VASH2: variants seen among roughly 807,000 people sequenced by gnomAD.
VASH2 encodes the protein vasohibin 2, also known as tubulinyl-Tyr carboxypeptidase 2.
A neutral mutation model predicts 37.2 loss-of-function variants in VASH2; 28 were observed. That is an observed-to-expected ratio of 0.75 (90% CI 0.56 to 1.03). The LOEUF is 1.03. Ranked by LOEUF, VASH2 falls within the 50% of genes least tolerant of loss-of-function variation. The probability of loss-of-function intolerance (pLI) is 0.00; values close to 1 mark genes in which losing one functional copy is unlikely to be tolerated. For synonymous variants in VASH2, 188 were observed against 174.7 expected, an observed-to-expected ratio of 1.08 and a Z score of -0.60; for missense variants, 419 against 459.1, an observed-to-expected ratio of 0.91 and a Z score of 0.80.
At chr1:212,968,812 AG>A in intron 5 of VASH2, 1 of 985,524 alleles carries the variant, frequency 1.0e-6, no homozygotes, top group Non-Finnish European at 1.2e-6. Flanking sequence ...AGATCAACGA[AG>A]GGGAACACAA....
chr1:212,959,747 C>G (rs975895046), intron 2 of VASH2, among the ~76,000 whole-genome samples: 4 of 152,236 alleles, frequency 2.6e-5, no homozygotes, highest in African/African-American at 9.6e-5. Flanking sequence ...CAGTGTCTGC[C>G]TCTGCTGCCT....
chr1:212,959,617 T>A (rs1238843161), intron 2 of VASH2, among the ~76,000 whole-genome samples: 1 of 152,192 alleles, frequency 6.6e-6, no homozygotes, highest in African/African-American at 2.4e-5. Context: ...GCAGTAAGTG[T>A]AGGCAGCGGG....
At chr1:212,985,188 AT>A (rs1220670460) in intron 7 of VASH2, among the ~76,000 whole-genome samples, 2 of 123,366 alleles carry the variant, frequency 1.6e-5, no homozygotes, top group African/African-American at 6.3e-5. Flanking sequence ...TGTCTGGCTA[AT>A]TTTTTTTGCT....
intron 2 of VASH2, among the ~76,000 whole-genome samples, chr1:212,960,746 A>G (rs1026537666): frequency 7.2e-5 from 11 of 152,158 alleles, no homozygotes; most frequent in Non-Finnish European, 1.6e-4. Flanking sequence ...CTTGTAGTGG[A>G]TCACCATTTG....
chr1:212,957,445 C>A (rs1375958435), intron 2 of VASH2, among the ~76,000 whole-genome samples: 2 of 152,136 alleles, frequency 1.3e-5, no homozygotes. Context: ...ACGTTTTCAT[C>A]CTCTCCATTA....
At chr1:212,976,655 G>T (rs376781501) in intron 7 of VASH2, among the ~76,000 whole-genome samples, 2 of 152,206 alleles carry the variant, frequency 1.3e-5, no homozygotes, top group East Asian at 1.9e-4. Context: ...AGTCAGAGAG[G>T]GAGAGGATGG....
intron 5 of VASH2, among the ~76,000 whole-genome samples, chr1:212,972,083 A>C (rs984487104): frequency 6.6e-6 from 1 of 152,178 alleles, no homozygotes; most frequent in Non-Finnish European, 1.5e-5. Context: ...CCCTGCCTGC[A>C]TTCACATTTC....
At position 212,981,197 on chromosome 1, in the gene VASH2, A is replaced by AAAG. The variant is rs1667327949; in HGVS notation, c.995+7128_995+7130dup. ...AGAGTCTCCTGCCTGGGGAGGGCTC[A>AAAG]AAGGGATGGGCACCGGCTGAAAAAT... is the stretch of plus-strand genomic sequence containing the variant. On this transcript the variant is annotated intron_variant, in intron 7 of 7. Coordinates refer to ENST00000517399, the MANE Select transcript of VASH2 (RefSeq NM_001301056.2). Among the ~76,000 whole-genome samples, 5 of 152,230 alleles carry AAAG rather than the reference A, an allele frequency of 3.3e-5. No individual in the cohort carries two copies. In the South Asian group the frequency reaches 1.0e-3, roughly 32 times the overall value.
chr1:212,951,566 T>G lies in VASH2; in HGVS notation c.24T>G (p.Thr8=), dbSNP rs1666306739. 1.3e-6 allele frequency: 2 copies of G among 1,532,014 alleles called. No homozygotes were observed. Among genetic ancestry groups the G allele is most frequent in the Non-Finnish European group, 8.8e-7 (1 of 1,138,958 alleles). 94.9% of individuals were successfully genotyped at this position (1,532,014 alleles called of 1,614,324 possible). Residue 8 remains threonine, a synonymous_variant, in exon 2 of 8, where the codon ACT becomes ACG. Coordinates refer to ENST00000517399, the MANE Select transcript of VASH2 (RefSeq NM_001301056.2). The surrounding 1 kb of genome is among the most constrained non-coding windows in gnomAD (Gnocchi z 4.4). ...CCATGACCGGCTCCGCGGCCGACAC[T>G]CACCGCTGCCCCCACCCCAAAGGCG... is the stretch of plus-strand genomic sequence containing the variant. MTGSAAD[T]HRCPHPKGAK...
Position 212,991,428 on chromosome 1 carries a change from T to G in VASH2, c.*2844T>G, listed in dbSNP as rs2075859432. 6.6e-6 allele frequency: 1 copy of G among 152,212 alleles called. No homozygotes were observed. The highest frequency in any genetic ancestry group is 1.5e-5 in the Non-Finnish European group (1 of 68,038). 9.4% of individuals were successfully genotyped at this position (152,212 alleles called of 1,614,324 possible). On this transcript the variant is annotated 3_prime_UTR_variant, in exon 8 of 8. Transcript: ENST00000517399. ...TTTTTTAAATCTTTAAGAAGAACTG[T>G]GATTGTTTTAGTGGGTATTTTTCTA...
At position 212,989,375 on chromosome 1, in the gene VASH2, C is replaced by G. The variant is rs746533245; in HGVS notation, c.*791C>G. ...GTCACTAACATTTAAACTTTGCAGA[C>G]TCTAACAAAAAGCACAAGAGGTCAC... On this transcript the variant is annotated 3_prime_UTR_variant, in exon 8 of 8. Transcript: ENST00000517399. 6.6e-6 allele frequency: 1 copy of G among 152,146 alleles called. No homozygotes were observed. Among genetic ancestry groups the G allele is most frequent in the Non-Finnish European group, 1.5e-5 (1 of 68,034 alleles). 9.4% of individuals were successfully genotyped at this position (152,146 alleles called of 1,614,324 possible).
Position 212,990,312 on chromosome 1 carries a change from T to G in VASH2, c.*1728T>G, listed in dbSNP as rs2075845853. 6.6e-6 allele frequency: 1 copy of G among 152,232 alleles called. No homozygotes were observed. Among genetic ancestry groups the G allele is most frequent in the African/African-American group, 2.4e-5 (1 of 41,466 alleles). 9.4% of individuals were successfully genotyped at this position (152,232 alleles called of 1,614,324 possible). A position where few individuals can be genotyped will look rare whatever the true frequency, so the allele number is the denominator to read the frequency against. ...GTTAAAAATTATCAGTTTAATCTCTTTAAGAACAGTATTATCAGAGTTTAA... is the reference window on the plus strand; with the variant it reads ...GTTAAAAATTATCAGTTTAATCTCTGTAAGAACAGTATTATCAGAGTTTAA... On this transcript the variant is annotated 3_prime_UTR_variant, in exon 8 of 8. Transcript: ENST00000517399.
intron 3 of VASH2, among the ~76,000 whole-genome samples, chr1:212,962,197 A>G (rs1666701745): frequency 6.6e-6 from 1 of 152,222 alleles, no homozygotes. Context: ...GGTTGTTTGC[A>G]GTCAGGATTA....
At chr1:212,980,129 C>T (rs113005237) in intron 7 of VASH2, among the ~76,000 whole-genome samples, 5 of 152,306 alleles carry the variant, frequency 3.3e-5, no homozygotes, top group Admixed American at 2.6e-4. Flanking sequence ...AATAAAGAAC[C>T]GTTCCACCTC....
At chr1:212,982,836 A>T (rs1197249180) in intron 7 of VASH2, among the ~76,000 whole-genome samples, 1 of 152,172 alleles carries the variant, frequency 6.6e-6, no homozygotes, top group African/African-American at 2.4e-5. Flanking sequence ...GGGGATACAG[A>T]AGAAGAAGAT....
Position 212,951,409 on chromosome 1 carries a change from C to A in VASH2, c.-134C>A, listed in dbSNP as rs1201635523. 5.8e-6 allele frequency: 2 copies of A among 346,038 alleles called. No individual in the cohort carries two copies. Among genetic ancestry groups the A allele is most frequent in the Non-Finnish European group, 8.2e-6 (2 of 242,782 alleles). 21.4% of individuals were successfully genotyped at this position (346,038 alleles called of 1,614,324 possible). The stretch of plus-strand genomic sequence containing the variant: ...TCCCCCTTGGTGAGTCCTGCCGCAG[C>A]GAGAGGCATGGAGAAGGCCGCCCCC... On this transcript the variant is annotated 5_prime_UTR_variant, in exon 2 of 8. Transcript: ENST00000517399. This position sits in a 1 kb window ranked among gnomAD's most constrained non-coding sequence, Gnocchi z 4.4.
At chr1:212,961,115 G>T (rs1467754961) in intron 2 of VASH2, 51 bp from the exon 3 acceptor site, 1 of 1,582,122 alleles carries the variant, frequency 6.3e-7, no homozygotes, top group East Asian at 2.2e-5. Context: ...CAGAAGCTGG[G>T]CCCCAGAGCG....
intron 7 of VASH2, among the ~76,000 whole-genome samples, chr1:212,976,302 T>C (rs1414385374): frequency 1.3e-5 from 2 of 152,154 alleles, no homozygotes; most frequent in African/African-American, 4.8e-5. Context: ...AAGAAATGGC[T>C]GGGCATGGTG....
rs759334108 is a variant in VASH2 at position 212,972,750 on chromosome 1, G to A, written c.668G>A (p.Arg223Gln). ...CTGATGGACAAGCCATTGACTTTTC[G>A]GACTCTGAGTGACCTCATCTTTGAC... is the stretch of plus-strand genomic sequence containing the variant. ...AELMDKPLTF[R>Q]TLSDLIFDFE... The change falls in exon 6 of 8, where the codon CGG becomes CAG. Residue 223 changes from arginine to glutamine, a missense_variant. Physicochemically the swap from Arg to Gln is conservative, Grantham distance 43. Around this residue, in one of 3 missense-constraint regions of VASH2, gnomAD observed 177 missense variants for 166.2 expected, o/e 1.06. Transcript: ENST00000517399. The A allele has an allele frequency of 2.5e-6, 4 of 1,614,126 alleles. No individual in the cohort carries two copies. Among genetic ancestry groups the A allele is most frequent in the South Asian group, 2.2e-5 (2 of 91,064 alleles).
Sources: allele counts gnomAD v4.1 joint callset (sites outside exome capture counted in the v4.1 genomes callset), GRCh38; gene constraint gnomAD v4.1.1; regional missense constraint gnomAD v4.1.1; non-coding constraint Gnocchi (gnomAD v3.1); transcripts MANE v1.5; gene names NCBI Gene and HGNC (gene_info 2026-07-23, HGNC 2026-07-21).